CFH: variants seen among roughly 807,000 people sequenced by gnomAD.
CFH encodes H factor 1 (complement).
A neutral mutation model predicts 147.3 loss-of-function variants in CFH; 53 were observed. The ratio of observed to expected loss-of-function variants is 0.36; its 90% CI spans 0.29 to 0.45. The LOEUF (loss-of-function observed/expected upper bound fraction) is 0.45, where lower values mean the gene tolerates loss of function less well. CFH is among the 20% of genes least tolerant of loss of function. The pLI, the probability that CFH is intolerant of heterozygous loss-of-function variation, is 1.00. For synonymous variants in CFH, 536 were observed against 489.4 expected, an observed-to-expected ratio of 1.10 and a Z score of -1.26; for missense variants, 1,380 against 1,498.0, an observed-to-expected ratio of 0.92 and a Z score of 1.30.
chr1:196,677,386 C>T, intron 4 of CFH, 90 bp from the exon 5 acceptor site: 1 of 1,203,952 alleles, frequency 8.3e-7, no homozygotes, highest in South Asian at 1.3e-5. Flanking sequence ...TTCCTCCAAT[C>T]TTATCCTGAG....
intron 1 of CFH, among the ~76,000 whole-genome samples, chr1:196,667,935 G>A (rs1440161154): frequency 6.6e-6 from 1 of 151,958 alleles, no homozygotes; most frequent in Non-Finnish European, 1.5e-5. Flanking sequence ...CAAGACTATG[G>A]GGAAAACATC....
rs1289523723 is a variant in CFH, at chr1:196,690,117, A to G, written c.1214A>G (p.Lys405Arg). 3 of 1,612,714 alleles carry G rather than the reference A, an allele frequency of 1.9e-6. No homozygotes were observed. Among genetic ancestry groups the G allele is most frequent in the Non-Finnish European group, 2.5e-6 (3 of 1,179,072 alleles). The change falls in exon 9 of 22, where the codon AAG (lysine) becomes AGG (arginine). Residue 405 changes from lysine (K) to arginine (R), a missense_variant. Physicochemically the swap from Lys to Arg is conservative, Grantham distance 26. Transcript: ENST00000367429. ...ENGYNQNHGR[K>R]FVQGKSIDVA... is the part of the protein sequence containing the mutation. ...GGATATAATCAAAATCATGGAAGAA[A>G]GTTTGTACAGGGTAAATCTATAGAC...
At chr1:196,709,147 C>G (rs1265074960) in intron 9 of CFH, among the ~76,000 whole-genome samples, 1 of 152,146 alleles carries the variant, frequency 6.6e-6, no homozygotes, top group Non-Finnish European at 1.5e-5. Flanking sequence ...AATATTTCAG[C>G]AGTCTCGCTG....
intron 11 of CFH, among the ~76,000 whole-genome samples, chr1:196,724,581 T>G (rs1289573216): frequency 6.6e-6 from 1 of 152,142 alleles, no homozygotes; most frequent in Non-Finnish European, 1.5e-5. Flanking sequence ...GTCAGGCTCT[T>G]GCTTCTGTCT....
chr1:196,686,061 C>A (rs2149086007), intron 7 of CFH, among the ~76,000 whole-genome samples: 1 of 152,058 alleles, frequency 6.6e-6, no homozygotes, highest in African/African-American at 2.4e-5. Context: ...AGACAGAGAG[C>A]AAAGGGGAAA....
Position 196,725,359 on chromosome 1 carries a change from T to C in CFH, c.1873+62T>C, listed in dbSNP as rs1428969086. ...AGAACTTTGAATACCAACTTTTTTC[T>C]TATTAATTTTGTTTGGGCTCCCATT... On this transcript the variant is annotated intron_variant, in intron 12 of 21. Coordinates refer to ENST00000367429, the MANE Select transcript of CFH (RefSeq NM_000186.4). 5 of 1,543,548 alleles carry C rather than the reference T, an allele frequency of 3.2e-6. No individual in the cohort carries two copies. The Admixed American group carries it at 5.0e-5, about 16-fold the overall frequency.
chr1:196,665,697 T>C (rs1037033525), intron 1 of CFH, among the ~76,000 whole-genome samples: 8 of 152,194 alleles, frequency 5.3e-5, no homozygotes, highest in Admixed American at 2.6e-4. Flanking sequence ...AATCTCCGCC[T>C]CTCAGGTTCA....
Position 196,675,905 on chromosome 1 carries a change from T to C in CFH, c.351-84T>C. 6 of 839,714 alleles carry C rather than the reference T, an allele frequency of 7.1e-6. No individual in the cohort carries two copies. In the South Asian group the frequency reaches 8.8e-5, roughly 12 times the overall value. The allele number at this position is 839,714 out of a possible 1,614,324, so 52.0% of individuals were successfully genotyped here. Reference sequence around the variant, plus strand: ...CTGTTCATTTTCCTTAATATGGAGTTTCTGGACACTCAGAATGGCATCGAG... The same window carrying C: ...CTGTTCATTTTCCTTAATATGGAGTCTCTGGACACTCAGAATGGCATCGAG... On this transcript the variant is annotated intron_variant, in intron 3 of 21. Coordinates refer to ENST00000367429, the MANE Select transcript of CFH (RefSeq NM_000186.4).
intron 9 of CFH, among the ~76,000 whole-genome samples, chr1:196,694,639 A>G (rs878899769): frequency 6.6e-6 from 1 of 152,006 alleles, no homozygotes; most frequent in Admixed American, 6.5e-5. Flanking sequence ...AAACTTTCCT[A>G]TTTCTCCGCA....
At chr1:196,692,373 CAG>C in intron 9 of CFH, 2 of 828,218 alleles carry the variant, frequency 2.4e-6, no homozygotes, top group Non-Finnish European at 2.9e-6. Context: ...TTTTTCTTCA[CAG>C]ATTAATTGAG....
At position 196,714,158 on chromosome 1, in the gene CFH, G is replaced by A. The variant is rs181718299; in HGVS notation, c.1519+241G>A. ...CTGTGTTACAGAAACAAGTTAGGGAGCTTTATGTGTATTCTGGTTTAAACT... is the reference window on the plus strand; with the variant it reads ...CTGTGTTACAGAAACAAGTTAGGGAACTTTATGTGTATTCTGGTTTAAACT... On this transcript the variant is annotated intron_variant, in intron 10 of 21. Coordinates refer to ENST00000367429, the MANE Select transcript of CFH (RefSeq NM_000186.4). 1.1e-4 allele frequency among the ~76,000 whole-genome samples: 17 copies of A among 152,082 alleles called. No individual in the cohort carries two copies. The East Asian group carries it at 2.9e-3, about 26-fold the overall frequency.
chr1:196,725,430 A>G (rs958192725), intron 12 of CFH, 133 bp downstream of exon 12: 10 of 812,822 alleles, frequency 1.2e-5, no homozygotes, highest in Non-Finnish European at 2.1e-5. Flanking sequence ...TGTGAAGGAC[A>G]TGTATTGAGT....
Position 196,679,643 on chromosome 1 carries a change from G to C in CFH, c.640G>C (p.Asp214His), listed in dbSNP as rs530228595. The change falls in exon 6 of 22, where the codon GAT (aspartate) becomes CAT (histidine). Residue 214 changes from aspartate to histidine, a missense_variant. Asp to His is a moderately conservative substitution (Grantham distance 81). Coordinates refer to ENST00000367429, the MANE Select transcript of CFH (RefSeq NM_000186.4). ...KCVEISCKSP[D>H]VINGSPISQK... Reference sequence around the variant, plus strand: ...TTTAGAAATTTCATGCAAATCCCCAGATGTTATAAATGGATCTCCTATATC... The same window carrying C: ...TTTAGAAATTTCATGCAAATCCCCACATGTTATAAATGGATCTCCTATATC... 3 of 1,605,436 alleles carry C rather than the reference G, an allele frequency of 1.9e-6. No homozygotes were observed. Among genetic ancestry groups the C allele is most frequent in the South Asian group, 2.2e-5 (2 of 90,736 alleles).
intron 1 of CFH, among the ~76,000 whole-genome samples, chr1:196,661,965 C>T (rs1351025619): frequency 2.0e-5 from 3 of 152,162 alleles, no homozygotes; most frequent in Admixed American, 2.0e-4. Flanking sequence ...CTGAAATCCA[C>T]AGGGCAGGTA....
At chr1:196,660,966 T>G (rs1169717641) in intron 1 of CFH, among the ~76,000 whole-genome samples, 1 of 152,198 alleles carries the variant, frequency 6.6e-6, no homozygotes, top group African/African-American at 2.4e-5. Context: ...ATGGATTACT[T>G]TACTTATTTA....
chr1:196,679,872 T>C, intron 6 of CFH, 79 bp downstream of exon 6: 1 of 1,313,156 alleles, frequency 7.6e-7, no homozygotes, highest in African/African-American at 1.5e-5. Context: ...TCCACTTATT[T>C]TAATCAAAAG....
chr1:196,704,302 C>T (rs1001526008), intron 9 of CFH, among the ~76,000 whole-genome samples: 4 of 152,100 alleles, frequency 2.6e-5, no homozygotes, highest in Non-Finnish European at 4.4e-5. Flanking sequence ...ACCATGTTTG[C>T]CTGGCTCGTC....
intron 9 of CFH, among the ~76,000 whole-genome samples, chr1:196,694,160 C>T (rs546796571): frequency 6.6e-5 from 10 of 152,094 alleles, no homozygotes; most frequent in African/African-American, 1.9e-4. Context: ...CCCCTTTCCC[C>T]GCACACCCCA....
chr1:196,743,585 G>A lies in CFH; in HGVS notation c.3267G>A (p.Val1089=), dbSNP rs1367141590. Residue 1089 remains valine, a synonymous_variant, in exon 20 of 22, where the codon GTG becomes GTA. Transcript: ENST00000367429. ...ATGAAATGTTTGGGGATGAAGAAGTGATGTGTTTAAATGGAAACTGGACGG... is the reference window on the plus strand; with the variant it reads ...ATGAAATGTTTGGGGATGAAGAAGTAATGTGTTTAAATGGAAACTGGACGG... ...SPYEMFGDEE[V]MCLNGNWTEP... The A allele has an allele frequency of 6.2e-7, 1 of 1,613,932 alleles. No homozygotes were observed. The highest frequency in any genetic ancestry group is 2.2e-5 in the East Asian group (1 of 44,852).
Sources: allele counts gnomAD v4.1 joint callset (sites outside exome capture counted in the v4.1 genomes callset), GRCh38; gene constraint gnomAD v4.1.1; transcripts MANE v1.5; gene names NCBI Gene and HGNC (gene_info 2026-07-23, HGNC 2026-07-21).